Variants in DYNLT5 observed in about 807,000 individuals in gnomAD.
DYNLT5 encodes the protein dynein light chain Tctex-type 5.
A neutral mutation model predicts 19.3 loss-of-function variants in DYNLT5; 25 were observed. That is an observed-to-expected ratio of 1.30 (90% CI 0.95 to 1.81). The LOEUF is 1.81. Among genes scored for constraint, DYNLT5 ranks in the 40% most tolerant of loss-of-function variants. The pLI is 0.00. For missense variants in DYNLT5, 232 were observed against 217.9 expected, an observed-to-expected ratio of 1.06 and a Z score of -0.41; for synonymous variants, 82 against 68.9, an observed-to-expected ratio of 1.19 and a Z score of -0.94.
chr1:66,752,618 C>A, intron 1 of DYNLT5, 34 bp downstream of exon 1: 1 of 983,472 alleles, frequency 1.0e-6, no homozygotes, highest in Non-Finnish European at 1.2e-6. Context: ...GCGTCTGGAC[C>A]CCAAAGGAAG....
rs746166213 is a variant in DYNLT5, at chr1:66,754,648, T to C, written c.-3-8T>C. 8.8e-6 allele frequency: 14 copies of C among 1,592,670 alleles called. No homozygotes were observed. The highest frequency in any genetic ancestry group is 1.2e-5 in the Non-Finnish European group (14 of 1,172,986). On this transcript the variant is annotated splice_region_variant and splice_polypyrimidine_tract_variant and intron_variant, in intron 1 of 4. Transcript: ENST00000282670. ...CTTTTGCTATTTTACAAAAGTCTTCTTCCATAGGTTATGATGATGTCAGAC... is the reference window on the plus strand; with the variant it reads ...CTTTTGCTATTTTACAAAAGTCTTCCTCCATAGGTTATGATGATGTCAGAC...
At chr1:66,759,408 G>A (rs2094641889) in intron 2 of DYNLT5, among the ~76,000 whole-genome samples, 1 of 152,100 alleles carries the variant, frequency 6.6e-6, no homozygotes, top group African/African-American at 2.4e-5. Flanking sequence ...ACACCATAGA[G>A]CAAAATAATT....
intron 2 of DYNLT5, among the ~76,000 whole-genome samples, chr1:66,766,044 T>G (rs950720598): frequency 6.6e-6 from 1 of 152,224 alleles, no homozygotes; most frequent in African/African-American, 2.4e-5. Context: ...AGTTAGTTTG[T>G]TAAGTGTTCT....
chr1:66,771,856 G>A (rs1645206125), intron 3 of DYNLT5, among the ~76,000 whole-genome samples: 1 of 152,252 alleles, frequency 6.6e-6, no homozygotes, highest in South Asian at 2.1e-4. Flanking sequence ...TTTGCAACTT[G>A]TTTTCTCAAA....
rs1359287358 is a variant in DYNLT5, at chr1:66,778,353, G to A, written c.*899G>A. 4 of 152,652 alleles carry A rather than the reference G, an allele frequency of 2.6e-5. No individual in the cohort carries two copies. The highest frequency in any genetic ancestry group is 5.9e-5 in the Non-Finnish European group (4 of 68,042). The allele number at this position is 152,652 out of a possible 1,614,324, so 9.5% of individuals were successfully genotyped here. ...TTACTCCTATGAATTTAATACTAAA[G>A]TGACCCAGTGAGGTTTTTGAATAGA... On this transcript the variant is annotated 3_prime_UTR_variant, in exon 5 of 5. Transcript: ENST00000282670.
chr1:66,765,252 A>G (rs2094652728), intron 2 of DYNLT5, among the ~76,000 whole-genome samples: 1 of 152,226 alleles, frequency 6.6e-6, no homozygotes, highest in South Asian at 2.1e-4. Flanking sequence ...ATGATACTAT[A>G]TTTATAAACA....
At chr1:66,763,529 C>G (rs978778776) in intron 2 of DYNLT5, among the ~76,000 whole-genome samples, 1 of 152,218 alleles carries the variant, frequency 6.6e-6, no homozygotes, top group Non-Finnish European at 1.5e-5. Context: ...ATTGTAGCCC[C>G]TTCATCAATG....
In DYNLT5 at chr1:66,778,616, T is replaced by A. The variant is rs139390301; in HGVS notation, c.*1162T>A. The A allele has an allele frequency of 1.7e-4, 26 of 152,734 alleles. No homozygotes were observed. In the East Asian group the frequency reaches 4.6e-3, roughly 27 times the overall value. 9.5% of individuals were successfully genotyped at this position (152,734 alleles called of 1,614,324 possible). ...GCTGTAGTCTTAAGGAAAAAATGAT[T>A]TATCATTCATATCAAAAAGAGTTTA... On this transcript the variant is annotated 3_prime_UTR_variant, in exon 5 of 5. Transcript: ENST00000282670.
intron 2 of DYNLT5, among the ~76,000 whole-genome samples, chr1:66,768,968 T>C (rs549130973): frequency 6.6e-6 from 1 of 152,322 alleles, no homozygotes; most frequent in East Asian, 1.9e-4. Context: ...TCAAAGGATA[T>C]TGTGAAAGTA....
Position 66,770,431 on chromosome 1 carries a change from AT to A in DYNLT5, c.165del (p.Asp55GlufsTer31). On this transcript the variant is annotated frameshift_variant, in exon 3 of 5. Transcript: ENST00000282670. LOFTEE classifies it high-confidence loss of function. ...VSYMEEPSQR[D>X]DISRLTVQME... ...TATATGGAAGAACCCAGTCAGCGTG[AT>A]GATATCTCTCGCCTTACAGTTCAGA... 6.2e-7 allele frequency: 1 copy of A among 1,613,632 alleles called. No homozygotes were observed. Among genetic ancestry groups the A allele is most frequent in the South Asian group, 1.1e-5 (1 of 91,078 alleles).
chr1:66,778,430 G>A lies in DYNLT5; in HGVS notation c.*976G>A, dbSNP rs572397031. 3.7e-4 allele frequency: 57 copies of A among 152,728 alleles called. No individual in the cohort carries two copies. Among genetic ancestry groups the A allele is most frequent in the African/African-American group, 1.3e-3 (55 of 41,568 alleles). The allele number at this position is 152,728 out of a possible 1,614,324, so 9.5% of individuals were successfully genotyped here. A position where few individuals can be genotyped will look rare whatever the true frequency, so the allele number is the denominator to read the frequency against. ...ATAGCTTATTATTCTGCTGGTTAAT[G>A]TATCTTACGCCACGGATCATTTATT... On this transcript the variant is annotated 3_prime_UTR_variant, in exon 5 of 5. Coordinates refer to ENST00000282670, the MANE Select transcript of DYNLT5 (RefSeq NM_152665.3).
At chr1:66,773,342 T>A (rs930722038) in intron 3 of DYNLT5, among the ~76,000 whole-genome samples, 1 of 152,144 alleles carries the variant, frequency 6.6e-6, no homozygotes, top group Non-Finnish European at 1.5e-5. Context: ...TTATTTGAGT[T>A]CAGCTTCCAT....
At chr1:66,768,971 T>C (rs1645186022) in intron 2 of DYNLT5, among the ~76,000 whole-genome samples, 1 of 152,194 alleles carries the variant, frequency 6.6e-6, no homozygotes, top group Non-Finnish European at 1.5e-5. Flanking sequence ...AAGGATATTG[T>C]GAAAGTAAAA....
intron 2 of DYNLT5, among the ~76,000 whole-genome samples, 196 bp from the exon 3 acceptor site, chr1:66,770,191 T>G (rs1645195843): frequency 6.6e-6 from 1 of 152,220 alleles, no homozygotes; most frequent in African/African-American, 2.4e-5. Context: ...CTGCTCCAAA[T>G]AATTCCTCTG....
chr1:66,754,859 C>T (rs958957632), intron 2 of DYNLT5, 82 bp downstream of exon 2: 14 of 1,398,020 alleles, frequency 1.0e-5, no homozygotes, highest in Middle Eastern at 3.8e-4. Context: ...AACACTTCCT[C>T]GGGGACATAA....
At chr1:66,769,067 G>A (rs1645186459) in intron 2 of DYNLT5, among the ~76,000 whole-genome samples, 1 of 152,160 alleles carries the variant, frequency 6.6e-6, no homozygotes, top group South Asian at 2.1e-4. Flanking sequence ...GAATCAAGGG[G>A]TTTATGTAAC....
chr1:66,777,152 C>A, intron 4 of DYNLT5, 99 bp from the exon 5 acceptor site: 1 of 997,830 alleles, frequency 1.0e-6, no homozygotes, highest in Non-Finnish European at 1.5e-6. Flanking sequence ...TACAATGCAT[C>A]ATGCTATTAA....
Position 66,776,368 on chromosome 1 carries a change from G to T in DYNLT5, c.301G>T (p.Glu101Ter). The T allele has an allele frequency of 6.2e-7, 1 of 1,612,478 alleles. No homozygotes were observed. Among genetic ancestry groups the T allele is most frequent in the South Asian group, 1.1e-5 (1 of 90,682 alleles). The change falls in exon 4 of 5, where the codon GAG (glutamate) becomes TAG (stop). Residue 101 changes from glutamate to a stop codon, truncating the protein, a stop_gained. Transcript: ENST00000282670. LOFTEE classifies it high-confidence loss of function. ...SYLQVEEYEP[E>*]LCRQMTKTIS... ...TCTACAAGTAGAAGAATATGAACCAGAGCTCTGTAGACAGATGACTAAAAC... is the reference window on the plus strand; with the variant it reads ...TCTACAAGTAGAAGAATATGAACCATAGCTCTGTAGACAGATGACTAAAAC...
In DYNLT5 at chr1:66,777,521, A is replaced by T. The variant is rs894315016; in HGVS notation, c.*67A>T. On this transcript the variant is annotated 3_prime_UTR_variant, in exon 5 of 5. Coordinates refer to ENST00000282670, the MANE Select transcript of DYNLT5 (RefSeq NM_152665.3). ...GGCAGGCTGTATGTCTGTACACAAA[A>T]GTTTTACTGCCAAAAACTTTGAGAA... 7.1e-7 allele frequency: 1 copy of T among 1,407,078 alleles called. No individual in the cohort carries two copies. Among genetic ancestry groups the T allele is most frequent in the African/African-American group, 1.4e-5 (1 of 69,804 alleles). The allele number at this position is 1,407,078 out of a possible 1,614,324, so 87.2% of individuals were successfully genotyped here.
Sources: gnomAD v4.1 joint callset for allele counts (sites outside exome capture counted in the v4.1 genomes callset) on GRCh38, gnomAD v4.1.1 for gene constraint, MANE v1.5 for transcripts, NCBI Gene and HGNC (gene_info 2026-07-23, HGNC 2026-07-21) for gene names.